NUDT16: variants seen among roughly 807,000 people sequenced by gnomAD.
NUDT16 encodes the protein U8 snoRNA-decapping enzyme.
Under a neutral mutation model 11.7 loss-of-function variants are expected in NUDT16, and 12 were observed. That is an observed-to-expected ratio of 1.03 (90% CI 0.66 to 1.67). The LOEUF (loss-of-function observed/expected upper bound fraction) is 1.67, where lower values mean the gene tolerates loss of function less well. Among genes scored for constraint, NUDT16 ranks in the 40% most tolerant of loss-of-function variants. The pLI, the probability that NUDT16 is intolerant of heterozygous loss-of-function variation, is 0.00. For synonymous variants in NUDT16, 129 were observed against 122.6 expected (o/e 1.05, Z -0.35); for missense variants, 303 against 268.9 (o/e 1.13, Z -0.89).
rs897672492 is a variant in NUDT16 at position 131,388,230 on chromosome 3, A to G, written c.*4889A>G. 1 of 152,258 alleles carries G rather than the reference A, an allele frequency of 6.6e-6. No individual in the cohort carries two copies. The highest frequency in any genetic ancestry group is 1.5e-5 in the Non-Finnish European group (1 of 68,072). The allele number at this position is 152,258 out of a possible 1,614,324, so 9.4% of individuals were successfully genotyped here. On this transcript the variant is annotated 3_prime_UTR_variant, in exon 3 of 3. Transcript: ENST00000521288. ...CCCTAGAACCCAGAGAAAAAGTGCA[A>G]AACAAGGAAAATGGCCAAAGAGAAT...
Position 131,386,406 on chromosome 3 carries a change from G to A in NUDT16, c.*3065G>A, listed in dbSNP as rs1271922370. 1 of 152,200 alleles carries A rather than the reference G, an allele frequency of 6.6e-6. No homozygotes were observed. The highest frequency in any genetic ancestry group is 1.5e-5 in the Non-Finnish European group (1 of 68,050). 9.4% of individuals were successfully genotyped at this position (152,200 alleles called of 1,614,324 possible). On this transcript the variant is annotated 3_prime_UTR_variant, in exon 3 of 3. Coordinates refer to ENST00000521288, the MANE Select transcript of NUDT16 (RefSeq NM_152395.3). Reference sequence around the variant, plus strand: ...CATCTGGGGCAGGAAGAAGAGAAATGCTCATTGCAATCTTTGACCCCCACT... The same window carrying A: ...CATCTGGGGCAGGAAGAAGAGAAATACTCATTGCAATCTTTGACCCCCACT...
rs1559772217 is a variant in NUDT16 at position 131,383,334 on chromosome 3, A to G, written c.581A>G (p.His194Arg). The G allele has an allele frequency of 6.2e-7, 1 of 1,614,110 alleles. No homozygotes were observed. The highest frequency in any genetic ancestry group is 1.3e-5 in the African/African-American group (1 of 75,042). The change falls in exon 3 of 3, where the codon CAT becomes CGT. Residue 194 changes from histidine to arginine, a missense_variant. Transcript: ENST00000521288. The surrounding 1 kb of genome is among the most constrained non-coding windows in gnomAD (Gnocchi z 4.4). ...ATTTCAGGCCTTAAGATTCCAGCTCATCACTAGAGGCAGCCCTCCATGGAC... is the reference window on the plus strand; with the variant it reads ...ATTTCAGGCCTTAAGATTCCAGCTCGTCACTAGAGGCAGCCCTCCATGGAC... ...GSISGLKIPA[H>R]H
chr3:131,382,799 G>A (rs2097456857), intron 2 of NUDT16: 1 of 1,040,378 alleles, frequency 9.6e-7, no homozygotes, highest in South Asian at 2.1e-5. Context: ...ATTGGTGGTG[G>A]GGCGGGGGGA....
chr3:131,388,647 C>A lies in NUDT16; in HGVS notation c.*5306C>A, dbSNP rs1009212431. The A allele has an allele frequency of 2.0e-5, 3 of 152,150 alleles. No homozygotes were observed. Among genetic ancestry groups the A allele is most frequent in the Admixed American group, 6.5e-5 (1 of 15,282 alleles). 9.4% of individuals were successfully genotyped at this position (152,150 alleles called of 1,614,324 possible). A position where few individuals can be genotyped will look rare whatever the true frequency, so the allele number is the denominator to read the frequency against. On this transcript the variant is annotated 3_prime_UTR_variant, in exon 3 of 3. Transcript: ENST00000521288. ...TGAATCAAAGGAAATAACTGATCGA[C>A]AGGAAAACTGTAGGAAATTTGTGGG...
rs111569014 is a variant in NUDT16, at chr3:131,386,186, C to T, written c.*2845C>T. The T allele has an allele frequency of 2.6e-3, 398 of 152,328 alleles. 2 individuals are homozygous for T. Among genetic ancestry groups the T allele is most frequent in the Non-Finnish European group, 4.8e-3 (325 of 68,058 alleles). 9.4% of individuals were successfully genotyped at this position (152,328 alleles called of 1,614,324 possible). A position where few individuals can be genotyped will look rare whatever the true frequency, so the allele number is the denominator to read the frequency against. ...AGTAGATTACCTCTCAGGCAGCCTT[C>T]ATAAAAGTGTTTCACTGTACTGGGG... On this transcript the variant is annotated 3_prime_UTR_variant, in exon 3 of 3. Transcript: ENST00000521288.
Sources: allele counts gnomAD v4.1 joint callset, GRCh38; gene constraint gnomAD v4.1.1; non-coding constraint Gnocchi (gnomAD v3.1); transcripts MANE v1.5; gene names NCBI Gene and HGNC (gene_info 2026-07-23, HGNC 2026-07-21).